The following TGM6 variants were observed in gnomAD, a reference collection of about 807,000 sequenced individuals.
TGM6 encodes transglutaminase 6.
Under a neutral mutation model 77.5 loss-of-function variants are expected in TGM6, and 74 were observed. The observed-to-expected ratio is 0.96, with a 90% confidence interval of 0.79 to 1.16. The LOEUF (loss-of-function observed/expected upper bound fraction) is 1.16, where lower values mean the gene tolerates loss of function less well. TGM6 is among the 50% of genes most tolerant of loss of function. TGM6 has a pLI of 0.00. For synonymous variants in TGM6, 383 were observed against 378.9 expected (o/e 1.01, Z -0.12); for missense variants, 968 against 940.2 (o/e 1.03, Z -0.39).
rs368495022 is a variant in TGM6, at chr20:2,403,504, C to T, written c.1093+4C>T. 3.7e-5 allele frequency: 59 copies of T among 1,613,984 alleles called. No homozygotes were observed. Among genetic ancestry groups the T allele is most frequent in the East Asian group, 6.7e-5 (3 of 44,876 alleles). On this transcript the variant is annotated splice_donor_region_variant and intron_variant, in intron 8 of 12. Coordinates refer to ENST00000202625, the MANE Select transcript of TGM6 (RefSeq NM_198994.3). ...ACCCCCCAGGAGGAGAGTGAAGGTA[C>T]GCTCAATTGGGTGGGGTAAGTTCCA...
At position 2,417,264 on chromosome 20, in the gene TGM6, G is replaced by T; in HGVS notation, c.1369G>T (p.Ala457Ser). Residue 457 changes from alanine (A) to serine (S), a missense_variant, in exon 10 of 13, where the codon GCG (alanine) becomes TCG (serine). Ala to Ser is a moderately conservative substitution (Grantham distance 99). Coordinates refer to ENST00000202625, the MANE Select transcript of TGM6 (RefSeq NM_198994.3). ...GAAAGAGAGGCAGGTGTACAGCAAG[G>T]CGGTGAACAGGCTGTTCGGCGTGGA... ...SRKERQVYSK[A>S]VNRLFGVEAS... is the part of the protein sequence containing the mutation. The T allele has an allele frequency of 6.2e-7, 1 of 1,608,266 alleles. No individual in the cohort carries two copies. The highest frequency in any genetic ancestry group is 1.3e-5 in the African/African-American group (1 of 74,946).
chr20:2,400,351 AC>A lies in TGM6; in HGVS notation c.897del (p.Ser300GlnfsTer9). The A allele has an allele frequency of 6.2e-7, 1 of 1,614,090 alleles. No individual in the cohort carries two copies. Among genetic ancestry groups the A allele is most frequent in the South Asian group, 1.1e-5 (1 of 91,080 alleles). Reference sequence around the variant, plus strand: ...GCCACACGGGTCGTGTCCAACTTCAACTCAGCCCACGACACAGACCAGAACC... The same window carrying A: ...GCCACACGGGTCGTGTCCAACTTCAATCAGCCCACGACACAGACCAGAACC... ...GIATRVVSNF[N>X]SAHDTDQNLS... On this transcript the variant is annotated frameshift_variant, in exon 7 of 13. Coordinates refer to ENST00000202625, the MANE Select transcript of TGM6 (RefSeq NM_198994.3). LOFTEE classifies it high-confidence loss of function.
intron 1 of TGM6, among the ~76,000 whole-genome samples, chr20:2,390,350 T>C (rs1382590900): frequency 6.6e-6 from 1 of 152,230 alleles, no homozygotes; most frequent in Non-Finnish European, 1.5e-5. Flanking sequence ...GTATGGAACA[T>C]TTAAAACTGT....
chr20:2,403,357 C>A lies in TGM6; in HGVS notation c.990-40C>A. 1.9e-6 allele frequency: 3 copies of A among 1,610,916 alleles called. 1 individual carries two copies. The South Asian group carries it at 3.3e-5, about 18-fold the overall frequency. On this transcript the variant is annotated intron_variant, in intron 7 of 12. Coordinates refer to ENST00000202625, the MANE Select transcript of TGM6 (RefSeq NM_198994.3). The stretch of plus-strand genomic sequence containing the variant: ...CAGTAGGATCTTCCCTTCCTATGCC[C>A]TCACTCTAGGCAGCTTCACCCATCC...
intron 10 of TGM6, among the ~76,000 whole-genome samples, chr20:2,426,061 C>CA (rs2084885717): frequency 6.6e-6 from 1 of 152,174 alleles, no homozygotes; most frequent in African/African-American, 2.4e-5. Flanking sequence ...ATAACTTCTT[C>CA]AGATTGCATT....
chr20:2,392,978 T>G (rs945677412), intron 1 of TGM6, among the ~76,000 whole-genome samples: 6 of 152,142 alleles, frequency 3.9e-5, no homozygotes, highest in African/African-American at 1.4e-4. Context: ...CCAGAGGACC[T>G]CCTCATAACC....
rs6036467 is a variant in TGM6 at position 2,432,480 on chromosome 20, C to T, written c.1968-10C>T. ...TGACAGTCTGCCTTTCTCCCCTCCCCTTCCTCCAGCGTGCCTACCCTGGAG... is the reference window on the plus strand; with the variant it reads ...TGACAGTCTGCCTTTCTCCCCTCCCTTTCCTCCAGCGTGCCTACCCTGGAG... On this transcript the variant is annotated splice_polypyrimidine_tract_variant and intron_variant, in intron 12 of 12. Coordinates refer to ENST00000202625, the MANE Select transcript of TGM6 (RefSeq NM_198994.3). 1,584,781 of 1,613,836 alleles carry T rather than the reference C, an allele frequency of 0.98. 778,203 individuals carry two copies. The highest frequency in any genetic ancestry group is 1 in the East Asian group (44,863 of 44,866).
Position 2,395,495 on chromosome 20 carries a change from C to T in TGM6, c.424+59C>T, listed in dbSNP as rs1001081118. 7 of 1,613,806 alleles carry T rather than the reference C, an allele frequency of 4.3e-6. No homozygotes were observed. The Admixed American group carries it at 1.2e-4, about 27-fold the overall frequency. ...CCAAAAGACATCCTTAGAGGAGAGC[C>T]TGCCCTTGGAGGGGGCCTGGGAGGT... On this transcript the variant is annotated intron_variant, in intron 3 of 12. Coordinates refer to ENST00000202625, the MANE Select transcript of TGM6 (RefSeq NM_198994.3).
intron 1 of TGM6, among the ~76,000 whole-genome samples, chr20:2,384,924 C>T (rs999147424): frequency 6.7e-6 from 1 of 148,364 alleles, no homozygotes; most frequent in African/African-American, 2.4e-5. Context: ...CCTGCATACC[C>T]CAAGGGTGAA....
At chr20:2,399,782 T>A (rs1219774439) in intron 6 of TGM6, 44 bp downstream of exon 6, 1 of 1,533,776 alleles carries the variant, frequency 6.5e-7, no homozygotes. Context: ...TGCCCCCAGC[T>A]TCCTCTATCT....
At chr20:2,393,979 A>G (rs2084645023) in intron 1 of TGM6, among the ~76,000 whole-genome samples, 1 of 152,102 alleles carries the variant, frequency 6.6e-6, no homozygotes, top group African/African-American at 2.4e-5. Context: ...CAACCTTTGC[A>G]GTGATTTTAC....
intron 9 of TGM6, among the ~76,000 whole-genome samples, chr20:2,416,809 TG>T (rs2084819349): frequency 6.6e-6 from 1 of 152,216 alleles, no homozygotes; most frequent in Non-Finnish European, 1.5e-5. Context: ...CTTTACTGCC[TG>T]GTTCAAGTCC....
At chr20:2,408,049 G>T (rs1329200879) in intron 9 of TGM6, among the ~76,000 whole-genome samples, 1 of 152,180 alleles carries the variant, frequency 6.6e-6, no homozygotes, top group African/African-American at 2.4e-5. Flanking sequence ...AATGCTGAAG[G>T]GAGTAAGATT....
chr20:2,427,694 T>C (rs2084897368), intron 10 of TGM6, among the ~76,000 whole-genome samples: 1 of 152,218 alleles, frequency 6.6e-6, no homozygotes, highest in Non-Finnish European at 1.5e-5. Context: ...TAGACTTCTC[T>C]CTAAGCACTG....
At chr20:2,384,105 T>TC (rs2084576259) in intron 1 of TGM6, among the ~76,000 whole-genome samples, 1 of 68,024 alleles carries the variant, frequency 1.5e-5, no homozygotes, top group African/African-American at 6.6e-5. Flanking sequence ...AGACTCCGTC[T>TC]CAAAAAAAAA....
intron 9 of TGM6, among the ~76,000 whole-genome samples, chr20:2,404,358 A>G (rs2122377921): frequency 6.6e-6 from 1 of 152,300 alleles, no homozygotes; most frequent in East Asian, 1.9e-4. Context: ...GTTTCCAACT[A>G]TATACTTTAA....
chr20:2,397,614 C>T (rs1243574915), intron 4 of TGM6, among the ~76,000 whole-genome samples: 1 of 152,188 alleles, frequency 6.6e-6, no homozygotes, highest in South Asian at 2.1e-4. Flanking sequence ...ATGAGCATAT[C>T]AGCGAGGTGG....
intron 4 of TGM6, among the ~76,000 whole-genome samples, chr20:2,397,078 A>G (rs565321066): frequency 6.6e-6 from 1 of 152,342 alleles, no homozygotes; most frequent in South Asian, 2.1e-4. Flanking sequence ...AGTAGTTCCA[A>G]TACCAGGTGC....
rs189541860 is a variant in TGM6, at chr20:2,384,940, C to T, written c.7+3965C>T. On this transcript the variant is annotated intron_variant, in intron 1 of 12. Coordinates refer to ENST00000202625, the MANE Select transcript of TGM6 (RefSeq NM_198994.3). ...CTGCATACCCCAAGGGTGAAGGCCC[C>T]CAGAGCTGAAAACAGGCTGCCAGTT... Among the ~76,000 whole-genome samples, 1,043 of 152,206 alleles carry T rather than the reference C, an allele frequency of 6.9e-3. 11 individuals are homozygous for T. Among genetic ancestry groups the T allele is most frequent in the African/African-American group, 0.023 (972 of 41,516 alleles).
Sources: allele counts gnomAD v4.1 joint callset (sites outside exome capture counted in the v4.1 genomes callset), GRCh38; gene constraint gnomAD v4.1.1; transcripts MANE v1.5; gene names NCBI Gene and HGNC (gene_info 2026-07-23, HGNC 2026-07-21).